Variants in PCCA observed in about 807,000 individuals in gnomAD.
The protein encoded by PCCA is propionyl-CoA carboxylase subunit alpha.
In PCCA, 74 loss-of-function variants were observed where a neutral mutation model predicts 101.3. The observed-to-expected ratio is 0.73, with a 90% CI of 0.61 to 0.89. PCCA has a LOEUF of 0.89. Ranked by LOEUF, PCCA falls within the 40% of genes least tolerant of loss-of-function variation. The pLI, the probability that PCCA is intolerant of heterozygous loss-of-function variation, is 0.00. For missense variants in PCCA, 891 were observed against 907.0 expected (o/e 0.98, Z 0.23); for synonymous variants, 294 against 313.6 (o/e 0.94, Z 0.66).
chr13:100,099,509 G>C (rs2047083994), intron 1 of PCCA, among the ~76,000 whole-genome samples: 1 of 151,984 alleles, frequency 6.6e-6, no homozygotes. Flanking sequence ...CGTAGAGACA[G>C]GGTTTCACTG....
intron 4 of PCCA, chr13:100,150,333 C>T (rs961323509): frequency 7.2e-5 from 13 of 180,184 alleles, no homozygotes; most frequent in Non-Finnish European, 1.2e-4. Flanking sequence ...CACCTGGCTG[C>T]AGGCATACTT....
At chr13:100,493,410 T>C (rs2085049816) in intron 21 of PCCA, among the ~76,000 whole-genome samples, 1 of 152,168 alleles carries the variant, frequency 6.6e-6, no homozygotes, top group African/African-American at 2.4e-5. Context: ...AATAGTCTCT[T>C]GTACAGCAAC....
chr13:100,343,877 C>G (rs1242073590), intron 18 of PCCA, among the ~76,000 whole-genome samples: 1 of 152,160 alleles, frequency 6.6e-6, no homozygotes, highest in South Asian at 2.1e-4. Flanking sequence ...GAGTTCGCGA[C>G]CAACCTGGCC....
At chr13:100,408,651 G>A (rs2077830642) in intron 19 of PCCA, among the ~76,000 whole-genome samples, 1 of 152,106 alleles carries the variant, frequency 6.6e-6, no homozygotes, top group African/African-American at 2.4e-5. Flanking sequence ...AACCAGAGAG[G>A]GCTCATCCCC....
intron 22 of PCCA, among the ~76,000 whole-genome samples, chr13:100,526,288 A>T (rs1482831814): frequency 6.6e-6 from 1 of 152,218 alleles, no homozygotes; most frequent in Admixed American, 6.5e-5. Context: ...TGGAATGCAG[A>T]TGCCACGTGA....
Position 100,089,242 on chromosome 13 carries a change from C to T in PCCA, c.105+17C>T. ...ACCCTGAAGGTGAGGAGCAACGGGG[C>T]CTCGCGGGTCCGGGCTTCACTGGGC... On this transcript the variant is annotated intron_variant, in intron 1 of 23. Coordinates refer to ENST00000376285, the MANE Select transcript of PCCA (RefSeq NM_000282.4). 1 of 1,483,628 alleles carries T rather than the reference C, an allele frequency of 6.7e-7. No homozygotes were observed. Among genetic ancestry groups the T allele is most frequent in the Non-Finnish European group, 9.0e-7 (1 of 1,115,078 alleles). 91.9% of individuals were successfully genotyped at this position (1,483,628 alleles called of 1,614,324 possible). A position where few individuals can be genotyped will look rare whatever the true frequency, so the allele number is the denominator to read the frequency against.
At chr13:100,089,597 C>T (rs1239137477) in intron 1 of PCCA, among the ~76,000 whole-genome samples, 1 of 152,186 alleles carries the variant, frequency 6.6e-6, no homozygotes, top group Non-Finnish European at 1.5e-5. Context: ...TTTAGGTGTC[C>T]TTATAGTTTC....
chr13:100,484,413 A>G (rs1245662236), intron 21 of PCCA, among the ~76,000 whole-genome samples: 2 of 151,772 alleles, frequency 1.3e-5, no homozygotes, highest in African/African-American at 4.8e-5. Context: ...AAAATAGAAA[A>G]CTCTAAATTT....
chr13:100,215,758 G>C (rs1024582655), intron 7 of PCCA, among the ~76,000 whole-genome samples: 4 of 152,000 alleles, frequency 2.6e-5, no homozygotes, highest in South Asian at 2.1e-4. Context: ...TCCCACCTCA[G>C]CCTCTCAAGT....
chr13:100,525,371 G>A (rs1031234394), intron 22 of PCCA, among the ~76,000 whole-genome samples: 4 of 152,166 alleles, frequency 2.6e-5, no homozygotes, highest in African/African-American at 9.7e-5. Context: ...AGTTACCTGT[G>A]CGTTACCTCT....
chr13:100,361,666 T>C (rs1024354905), intron 18 of PCCA, among the ~76,000 whole-genome samples: 1 of 152,138 alleles, frequency 6.6e-6, no homozygotes, highest in African/African-American at 2.4e-5. Context: ...TCAGCATTAC[T>C]AGTCATGGGG....
In PCCA at chr13:100,476,317, CAGAT is replaced by C. The variant is rs546246234; in HGVS notation, c.1899+27015_1899+27018del. Reference sequence around the variant, plus strand: ...GAACTGATACTTTGCCTTGGAAACTCAGATAGTAAAAATATTTGTCAAAGCTTCA... The same window carrying C: ...GAACTGATACTTTGCCTTGGAAACTCAGTAAAAATATTTGTCAAAGCTTCA... On this transcript the variant is annotated intron_variant, in intron 21 of 23. Transcript: ENST00000376285. Among the ~76,000 whole-genome samples the C allele has an allele frequency of 7.8e-3, 1,182 of 152,302 alleles. 10 individuals carry two copies. Among genetic ancestry groups the C allele is most frequent in the Middle Eastern group, 0.02 (6 of 294 alleles).
intron 19 of PCCA, among the ~76,000 whole-genome samples, chr13:100,391,507 A>C (rs1285198895): frequency 6.6e-6 from 1 of 152,202 alleles, no homozygotes; most frequent in Non-Finnish European, 1.5e-5. Flanking sequence ...GTCGTGGAGC[A>C]GGAGTTGATG....
At chr13:100,434,466 G>A (rs2079783465) in intron 20 of PCCA, among the ~76,000 whole-genome samples, 1 of 152,288 alleles carries the variant, frequency 6.6e-6, no homozygotes, top group Admixed American at 6.5e-5. Flanking sequence ...GGAAGAACCA[G>A]GTTTTCTGGG....
chr13:100,518,704 T>C (rs1324354192), intron 22 of PCCA, among the ~76,000 whole-genome samples: 1 of 152,152 alleles, frequency 6.6e-6, no homozygotes, highest in African/African-American at 2.4e-5. Context: ...GTAATATAAT[T>C]TAGGAAACAA....
intron 8 of PCCA, among the ~76,000 whole-genome samples, chr13:100,254,517 A>T (rs1338713795): frequency 6.6e-6 from 1 of 152,158 alleles, no homozygotes; most frequent in Non-Finnish European, 1.5e-5. Flanking sequence ...CCAACTTTTG[A>T]CTAAATATTT....
At position 100,458,384 on chromosome 13, in the gene PCCA, A is replaced by G. The variant is rs149819595; in HGVS notation, c.1899+9079A>G. Among the ~76,000 whole-genome samples the G allele has an allele frequency of 1.6e-3, 237 of 144,604 alleles. 7 individuals carry two copies. Among genetic ancestry groups the G allele is most frequent in the Middle Eastern group, 0.011 (3 of 282 alleles). The allele number at this position is 144,604 out of a possible 152,430, so 94.9% of individuals were successfully genotyped here. On this transcript the variant is annotated intron_variant, in intron 21 of 23. Coordinates refer to ENST00000376285, the MANE Select transcript of PCCA (RefSeq NM_000282.4). Reference sequence around the variant, plus strand: ...TCTACACACACACACACACACACACACACGCACATATACACACAGTGGGAC... The same window carrying G: ...TCTACACACACACACACACACACACGCACGCACATATACACACAGTGGGAC...
At chr13:100,332,186 C>T (rs1466421905) in intron 17 of PCCA, among the ~76,000 whole-genome samples, 2 of 152,110 alleles carry the variant, frequency 1.3e-5, no homozygotes, top group African/African-American at 4.8e-5. Context: ...GATCTGCCCG[C>T]CTCGGCCTCC....
chr13:100,278,344 T>G (rs2063815246), intron 12 of PCCA, among the ~76,000 whole-genome samples: 1 of 152,194 alleles, frequency 6.6e-6, no homozygotes, highest in South Asian at 2.1e-4. Context: ...TTATCAGTAT[T>G]TATGGAATTG....
Sources: allele counts gnomAD v4.1 joint callset (sites outside exome capture counted in the v4.1 genomes callset), GRCh38; gene constraint gnomAD v4.1.1; transcripts MANE v1.5; gene names NCBI Gene and HGNC (gene_info 2026-07-23, HGNC 2026-07-21).